The following GSTCD variants were observed in gnomAD, a reference collection of about 807,000 sequenced individuals.
GSTCD encodes glutathione S-transferase C-terminal domain-containing protein.
GSTCD carries 44 observed loss-of-function variants against 68.3 expected under a neutral mutation model. That is an observed-to-expected ratio of 0.64 (90% CI 0.51 to 0.83). The LOEUF (loss-of-function observed/expected upper bound fraction) is 0.83, where lower values mean the gene tolerates loss of function less well. GSTCD is among the 40% of genes least tolerant of loss of function. GSTCD has a pLI of 0.00. For missense variants in GSTCD, 739 were observed against 735.9 expected (o/e 1.00, Z -0.05); for synonymous variants, 273 against 255.2 (o/e 1.07, Z -0.67).
intron 5 of GSTCD, among the ~76,000 whole-genome samples, chr4:105,783,870 T>C (rs1404219095): frequency 6.6e-6 from 1 of 152,238 alleles, no homozygotes. Flanking sequence ...TTGTCATTTA[T>C]GATCTTCATA....
intron 7 of GSTCD, among the ~76,000 whole-genome samples, chr4:105,824,852 A>G (rs915422662): frequency 4.6e-5 from 7 of 152,086 alleles, no homozygotes; most frequent in Admixed American, 1.3e-4. Context: ...CAGTTCTTCA[A>G]ACATGCCATA....
At position 105,846,460 on chromosome 4, in the gene GSTCD, CTATTA is replaced by C. The variant is rs1186572416; in HGVS notation, c.*884_*888del. On this transcript the variant is annotated 3_prime_UTR_variant, in exon 12 of 12. Coordinates refer to ENST00000515279, the MANE Select transcript of GSTCD (RefSeq NM_001370181.1). ...TTATTAAATAATTGCCATAAATTTC[CTATTA>C]CGGGAATGTGGAATTTGGACATACA... is the stretch of plus-strand genomic sequence containing the variant. 1 of 152,060 alleles carries C rather than the reference CTATTA, an allele frequency of 6.6e-6. No homozygotes were observed. Among genetic ancestry groups the C allele is most frequent in the Non-Finnish European group, 1.5e-5 (1 of 68,024 alleles). 9.4% of individuals were successfully genotyped at this position (152,060 alleles called of 1,614,324 possible). A position where few individuals can be genotyped will look rare whatever the true frequency, so the allele number is the denominator to read the frequency against.
chr4:105,761,540 A>G (rs1023606625), intron 5 of GSTCD: 1 of 152,106 alleles, frequency 6.6e-6, no homozygotes, highest in Non-Finnish European at 1.5e-5. Context: ...ATATAAAGCA[A>G]TGTTTGGCTC....
intron 5 of GSTCD, among the ~76,000 whole-genome samples, chr4:105,810,414 A>C (rs1232338011): frequency 6.6e-6 from 1 of 152,146 alleles, no homozygotes; most frequent in Non-Finnish European, 1.5e-5. Context: ...AATGTTACTT[A>C]TAAATGCCCT....
chr4:105,825,634 G>T, intron 7 of GSTCD, 38 bp from the exon 8 acceptor site: 1 of 1,189,480 alleles, frequency 8.4e-7, no homozygotes. Context: ...TCTGAATTAT[G>T]TTACTAAATA....
At chr4:105,768,058 C>T (rs984005482) in intron 5 of GSTCD, among the ~76,000 whole-genome samples, 4 of 145,882 alleles carry the variant, frequency 2.7e-5, no homozygotes, top group South Asian at 2.2e-4. Context: ...TTTTTTGAGA[C>T]GGAGTCTCTC....
intron 4 of GSTCD, 104 bp downstream of exon 4, chr4:105,726,934 T>C: frequency 1.0e-6 from 1 of 954,612 alleles, no homozygotes; most frequent in Non-Finnish European, 1.5e-6. Flanking sequence ...TTGTTATAAA[T>C]TTTATTTGTA....
intron 5 of GSTCD, among the ~76,000 whole-genome samples, chr4:105,799,474 A>AT (rs781229324): frequency 4.6e-5 from 7 of 152,156 alleles, no homozygotes; most frequent in Non-Finnish European, 1.0e-4. Context: ...ACTTAGGGTC[A>AT]TTGTAGGGCT....
At chr4:105,744,720 A>G (rs558586855) in intron 5 of GSTCD, among the ~76,000 whole-genome samples, 10 of 152,220 alleles carry the variant, frequency 6.6e-5, no homozygotes, top group African/African-American at 2.4e-4. Flanking sequence ...TTATCTTATC[A>G]TTTACCTGCC....
chr4:105,762,935 TA>T (rs1183105809), intron 5 of GSTCD, among the ~76,000 whole-genome samples: 1 of 152,292 alleles, frequency 6.6e-6, no homozygotes, highest in African/African-American at 2.4e-5. Flanking sequence ...GTATCTCACT[TA>T]AAAAATATAT....
At chr4:105,795,770 A>T (rs1052706105) in intron 5 of GSTCD, among the ~76,000 whole-genome samples, 1 of 152,124 alleles carries the variant, frequency 6.6e-6, no homozygotes, top group African/African-American at 2.4e-5. Flanking sequence ...TTATTTAAAC[A>T]TTCAGTCCTC....
intron 5 of GSTCD, among the ~76,000 whole-genome samples, chr4:105,782,024 C>T (rs1016812693): frequency 6.6e-6 from 1 of 151,956 alleles, no homozygotes; most frequent in African/African-American, 2.4e-5. Context: ...ATTTAAATGC[C>T]CTGTCAGAAT....
At chr4:105,772,020 ATTTG>A (rs1339370782) in intron 5 of GSTCD, among the ~76,000 whole-genome samples, 1 of 152,126 alleles carries the variant, frequency 6.6e-6, no homozygotes, top group Admixed American at 6.5e-5. Flanking sequence ...ATGTTTTTCC[ATTTG>A]TTTGTGTCCT....
Position 105,837,848 on chromosome 4 carries a change from T to C in GSTCD, c.1665-11T>C. On this transcript the variant is annotated splice_polypyrimidine_tract_variant and intron_variant, in intron 9 of 11. Transcript: ENST00000515279. ...TAGAATGATGACTAATTCCTTTTTT[T>C]TCTATTTCAGTGAACAATTCAAGAA... The C allele has an allele frequency of 1.9e-6, 2 of 1,059,518 alleles. No homozygotes were observed. Among genetic ancestry groups the C allele is most frequent in the Non-Finnish European group, 2.8e-6 (2 of 723,214 alleles). 65.6% of individuals were successfully genotyped at this position (1,059,518 alleles called of 1,614,324 possible).
At chr4:105,806,573 G>A (rs1369383880) in intron 5 of GSTCD, among the ~76,000 whole-genome samples, 1 of 152,028 alleles carries the variant, frequency 6.6e-6, no homozygotes, top group Non-Finnish European at 1.5e-5. Flanking sequence ...ATTAGACTTG[G>A]TGAGTTTTAG....
intron 8 of GSTCD, among the ~76,000 whole-genome samples, chr4:105,829,405 G>A (rs1243722848): frequency 6.6e-6 from 1 of 152,086 alleles, no homozygotes; most frequent in Non-Finnish European, 1.5e-5. Context: ...TTCTCACACT[G>A]CTAATAAAGA....
chr4:105,845,408 G>T (rs772776195), intron 11 of GSTCD, 33 bp from the exon 12 acceptor site: 2 of 1,612,854 alleles, frequency 1.2e-6, no homozygotes, highest in Non-Finnish European at 1.7e-6. Context: ...CTAGTGAAAG[G>T]GTGTCTCATG....
At chr4:105,819,307 C>T (rs1463071971) in intron 5 of GSTCD, among the ~76,000 whole-genome samples, 1 of 151,776 alleles carries the variant, frequency 6.6e-6, no homozygotes, top group Non-Finnish European at 1.5e-5. Context: ...TGGTAAGTTT[C>T]TGATCCTCCT....
chr4:105,773,175 T>G (rs1377015324), intron 5 of GSTCD, among the ~76,000 whole-genome samples: 1 of 152,208 alleles, frequency 6.6e-6, no homozygotes, highest in African/African-American at 2.4e-5. Context: ...TTTATGGTAG[T>G]TTGTATTTCT....
Sources: allele counts gnomAD v4.1 joint callset (sites outside exome capture counted in the v4.1 genomes callset), GRCh38; gene constraint gnomAD v4.1.1; transcripts MANE v1.5; gene names NCBI Gene and HGNC (gene_info 2026-07-23, HGNC 2026-07-21).